The following FBXL18 variants were observed in gnomAD, a reference collection of about 807,000 sequenced individuals.
The protein encoded by FBXL18 is F-box/LRR-repeat protein 18.
FBXL18 carries 36 observed loss-of-function variants against 46.0 expected under a neutral mutation model. The ratio of observed to expected loss-of-function variants is 0.78; its 90% CI spans 0.60 to 1.03. The LOEUF is 1.03. FBXL18 is among the 50% of genes least tolerant of loss of function. The probability of loss-of-function intolerance (pLI) is 0.00; values close to 1 mark genes in which losing one functional copy is unlikely to be tolerated. For missense variants in FBXL18, 977 were observed against 1,004.1 expected, an observed-to-expected ratio of 0.97 and a Z score of 0.36; for synonymous variants, 557 against 465.3, an observed-to-expected ratio of 1.20 and a Z score of -2.54.
intron 4 of FBXL18, among the ~76,000 whole-genome samples, chr7:5,462,966 AAAAATATATAT>A (rs1425781126): frequency 4.4e-5 from 1 of 22,720 alleles, no homozygotes; most frequent in South Asian, 2.1e-3. Flanking sequence ...AAAAAAAAAA[AAAAATATATAT>A]ATATATATAT....
intron 4 of FBXL18, among the ~76,000 whole-genome samples, chr7:5,466,868 G>A (rs6948909): frequency 6.6e-6 from 1 of 151,954 alleles, no homozygotes; most frequent in Admixed American, 6.6e-5. Context: ...GCCCCATCTC[G>A]GGACACAAAA....
Position 5,500,883 on chromosome 7 carries a change from G to A in FBXL18, c.1386C>T (p.Pro462=), listed in dbSNP as rs908509429. ...VRVGVQSCPS[P]FSGQACPQPS... ...GCTGGGGGCACGCCTGGCCCGAGAA[G>A]GGGCTGGGACAGGACTGCACGCCCA... Residue 462 remains proline (P), a synonymous_variant, in exon 3 of 5, where the codon CCC becomes CCT. Coordinates refer to ENST00000382368, the MANE Select transcript of FBXL18 (RefSeq NM_024963.6). 9.4e-6 allele frequency: 15 copies of A among 1,597,278 alleles called. No homozygotes were observed. The East Asian group carries it at 1.1e-4, about 12-fold the overall frequency.
rs550327849 is a variant in FBXL18 at position 5,460,948 on chromosome 7, C to T, written c.2001-13105G>A. ...GGAAGCTGCACAGTTCTGAAGTAAT[C>T]GTGCTACTGGGAAACAGGGCTGAGA... On this transcript the variant is annotated intron_variant and NMD_transcript_variant, in intron 4 of 6. Transcript: ENST00000415009. 2.0e-5 allele frequency among the ~76,000 whole-genome samples: 3 copies of T among 152,330 alleles called. No individual in the cohort carries two copies. The East Asian group carries it at 5.8e-4, about 29-fold the overall frequency.
chr7:5,490,767 C>A (rs1017788469), intron 4 of FBXL18, among the ~76,000 whole-genome samples: 1 of 152,168 alleles, frequency 6.6e-6, no homozygotes, highest in African/African-American at 2.4e-5. Flanking sequence ...GAGTTCGAGA[C>A]CAGCCTGACC....
chr7:5,490,076 G>C (rs373109943), intron 4 of FBXL18: 1 of 1,358,400 alleles, frequency 7.4e-7, no homozygotes. Flanking sequence ...GCCAGCGGCC[G>C]ACCGCAAGGA....
chr7:5,464,760 TA>T (rs11440747), intron 4 of FBXL18, among the ~76,000 whole-genome samples: 21 of 133,788 alleles, frequency 1.6e-4, no homozygotes, highest in Admixed American at 3.2e-4. Context: ...GTTTGGATAT[TA>T]AAAAAAAAAA....
chr7:5,513,771 A>T lies in FBXL18; in HGVS notation c.-97T>A. On this transcript the variant is annotated 5_prime_UTR_variant, in exon 1 of 5. Coordinates refer to ENST00000382368, the MANE Select transcript of FBXL18 (RefSeq NM_024963.6). ...CTCGAAGCCGGCGCGTCCACCGCTC[A>T]ACCGAGACCCCGGCAAGGAGCGGGC... is the stretch of plus-strand genomic sequence containing the variant. 2.7e-6 allele frequency: 4 copies of T among 1,494,276 alleles called. No individual in the cohort carries two copies. Among genetic ancestry groups the T allele is most frequent in the Non-Finnish European group, 2.7e-6 (3 of 1,107,396 alleles). 92.6% of individuals were successfully genotyped at this position (1,494,276 alleles called of 1,614,324 possible).
chr7:5,488,200 C>G (rs548524398), intron 4 of FBXL18, among the ~76,000 whole-genome samples: 1 of 152,234 alleles, frequency 6.6e-6, no homozygotes, highest in South Asian at 2.1e-4. Flanking sequence ...CCCCAGGAGG[C>G]CAGAGGGCAA....
intron 1 of FBXL18, among the ~76,000 whole-genome samples, chr7:5,509,967 C>T (rs919588736): frequency 2.6e-5 from 4 of 152,012 alleles, no homozygotes; most frequent in African/African-American, 9.7e-5. Context: ...GTTAAGGCAC[C>T]TTGCACCAAA....
intron 1 of FBXL18, among the ~76,000 whole-genome samples, chr7:5,509,185 T>G (rs1249330919): frequency 7.4e-6 from 1 of 135,438 alleles, no homozygotes; most frequent in Non-Finnish European, 1.6e-5. Flanking sequence ...AGAGTGAGAC[T>G]CTGTCTCAAA....
intron 4 of FBXL18, among the ~76,000 whole-genome samples, chr7:5,456,921 G>C (rs934841811): frequency 6.6e-6 from 1 of 152,188 alleles, no homozygotes; most frequent in Non-Finnish European, 1.5e-5. Flanking sequence ...ACGCCACCAT[G>C]CCTAGCTAAT....
chr7:5,458,107 A>G lies in FBXL18; in HGVS notation c.2001-10264T>C, dbSNP rs1783196519. On this transcript the variant is annotated intron_variant and NMD_transcript_variant, in intron 4 of 6. Transcript: ENST00000415009. The stretch of plus-strand genomic sequence containing the variant: ...AAAAACAACCCCAAAACCTTAAACC[A>G]CAAACTGAAAAGCAGGTGGGACCGT... Among the ~76,000 whole-genome samples, 7 of 151,704 alleles carry G rather than the reference A, an allele frequency of 4.6e-5. No individual in the cohort carries two copies. The South Asian group carries it at 1.5e-3, about 32-fold the overall frequency.
intron 4 of FBXL18, among the ~76,000 whole-genome samples, chr7:5,469,149 C>T (rs562524658): frequency 2.6e-5 from 4 of 152,242 alleles, no homozygotes; most frequent in Admixed American, 6.5e-5. Context: ...CTGTGGCTCA[C>T]GCCTGTAATC....
Position 5,496,944 on chromosome 7 carries a change from T to C in FBXL18, c.1781+3544A>G, listed in dbSNP as rs995780507. Among the ~76,000 whole-genome samples the C allele has an allele frequency of 7.4e-5, 11 of 149,250 alleles. No homozygotes were observed. Among genetic ancestry groups the C allele is most frequent in the Non-Finnish European group, 1.3e-4 (9 of 67,740 alleles). On this transcript the variant is annotated intron_variant, in intron 3 of 4. Coordinates refer to ENST00000382368, the MANE Select transcript of FBXL18 (RefSeq NM_024963.6). The surrounding 1 kb of genome is among the most constrained non-coding windows in gnomAD (Gnocchi z 4.8). The stretch of plus-strand genomic sequence containing the variant: ...TACTCTGGAGGCTGAGACAGGAGAA[T>C]CGCTTGAATCCAGGAGGCAGAGGTT...
chr7:5,504,668 C>A (rs1418666260), intron 2 of FBXL18, among the ~76,000 whole-genome samples: 2 of 148,610 alleles, frequency 1.3e-5, no homozygotes, highest in Non-Finnish European at 3.0e-5. Context: ...GTAATCCCAG[C>A]ACTTTGGGAT....
At chr7:5,500,095 A>AG (rs1784193488) in intron 3 of FBXL18, among the ~76,000 whole-genome samples, 1 of 1,028 alleles carries the variant, frequency 9.7e-4, no homozygotes, top group Admixed American at 7.0e-3. Context: ...AATTTAAATT[A>AG]AAAAAAAAAA....
Position 5,455,634 on chromosome 7 carries a change from G to A in FBXL18, c.2001-7791C>T, listed in dbSNP as rs772343488. ...CAAGTCGGTCCTGAGAAGATCCTCC[G>A]GGATTGCTGACCATCCACTTCCCCG... On this transcript the variant is annotated intron_variant and NMD_transcript_variant, in intron 4 of 6. Transcript: ENST00000415009. The surrounding 1 kb of genome is among the most constrained non-coding windows in gnomAD (Gnocchi z 4.6). Among the ~76,000 whole-genome samples, 5 of 152,148 alleles carry A rather than the reference G, an allele frequency of 3.3e-5. No individual in the cohort carries two copies. Among genetic ancestry groups the A allele is most frequent in the Non-Finnish European group, 4.4e-5 (3 of 67,996 alleles).
chr7:5,493,436 C>T (rs574475056), intron 3 of FBXL18, among the ~76,000 whole-genome samples: 1 of 151,058 alleles, frequency 6.6e-6, no homozygotes, highest in African/African-American at 2.4e-5. Context: ...GCTGGGACTA[C>T]AGGCGCCTGC....
intron 4 of FBXL18, among the ~76,000 whole-genome samples, chr7:5,469,740 G>T (rs1344532847): frequency 6.6e-6 from 1 of 152,068 alleles, no homozygotes; most frequent in Non-Finnish European, 1.5e-5. Flanking sequence ...GTGAGCAGAG[G>T]TGTGTCTGTG....
Sources: allele counts gnomAD v4.1 joint callset (sites outside exome capture counted in the v4.1 genomes callset), GRCh38; gene constraint gnomAD v4.1.1; non-coding constraint Gnocchi (gnomAD v3.1); transcripts MANE v1.5; gene names NCBI Gene and HGNC (gene_info 2026-07-23, HGNC 2026-07-21).